TAF1D: variants seen among roughly 807,000 people sequenced by gnomAD.
The protein encoded by TAF1D is TATA box-binding protein-associated factor RNA polymerase I subunit D.
TAF1D carries 23 observed loss-of-function variants against 26.2 expected under a neutral mutation model. That is an observed-to-expected ratio of 0.88 (90% CI 0.63 to 1.25). The LOEUF is 1.25. TAF1D is among the 50% of genes most tolerant of loss of function. TAF1D has a pLI of 0.00. For synonymous variants in TAF1D, 100 were observed against 105.6 expected (o/e 0.95, Z 0.33); for missense variants, 299 against 322.0 (o/e 0.93, Z 0.55).
At chr11:93,740,585 T>C (rs1472740776) in intron 1 of TAF1D, among the ~76,000 whole-genome samples, 1 of 151,942 alleles carries the variant, frequency 6.6e-6, no homozygotes, top group Non-Finnish European at 1.5e-5. Context: ...ATATAAATCC[T>C]AGGATGAACT....
At chr11:93,732,345 G>C (rs753492119), downstream of TAF1D, 3 of 517,976 alleles carry the variant, frequency 5.8e-6, no homozygotes, top group Non-Finnish European at 1.2e-5. Flanking sequence ...TGAACACTCT[G>C]AGAAACCTAC....
Position 93,736,234 on chromosome 11 carries a change from G to T in TAF1D, c.764C>A (p.Thr255Asn), listed in dbSNP as rs755223458. 3 of 1,613,360 alleles carry T rather than the reference G, an allele frequency of 1.9e-6. No individual in the cohort carries two copies. The Admixed American group carries it at 5.0e-5, about 27-fold the overall frequency. Residue 255 changes from threonine to asparagine, a missense_variant, in exon 6 of 6, where the codon ACT (threonine) becomes AAT (asparagine). Transcript: ENST00000448108. ...CTTTTTAGACAAAGCAGCTTCTTCA[G>T]TAATATCCTCTTCTTCTAAGTATAC... is the stretch of plus-strand genomic sequence containing the variant. Reference protein sequence around the residue: ...LSVYLEEEDITEEAALSKKRA... With the variant: ...LSVYLEEEDINEEAALSKKRA...
chr11:93,730,931 A>G (rs777828428), downstream of TAF1D: 4 of 482,766 alleles, frequency 8.3e-6, no homozygotes, highest in Middle Eastern at 3.5e-4. Context: ...AAGAAAAATC[A>G]CATGTGGTTC....
chr11:93,739,064 T>C (rs573953455), intron 2 of TAF1D, 173 bp downstream of exon 2: 6 of 569,304 alleles, frequency 1.1e-5, no homozygotes, highest in Non-Finnish European at 1.8e-5. Flanking sequence ...CATTTTGAAT[T>C]TAAAGTATTT....
At chr11:93,739,411 G>C in intron 1 of TAF1D, 80 bp from the exon 2 acceptor site, 1 of 860,962 alleles carries the variant, frequency 1.2e-6, no homozygotes, top group Admixed American at 2.8e-5. Context: ...AACGTGGTCA[G>C]ACTATGCCAA....
downstream of TAF1D, chr11:93,733,363 C>G (rs567310386): frequency 9.4e-5 from 49 of 518,936 alleles, no homozygotes; most frequent in African/African-American, 8.3e-4. Context: ...AGCGATCACT[C>G]AAGAATGGTA....
chr11:93,736,607 T>C (rs1360567309), intron 5 of TAF1D, 87 bp downstream of exon 5: 3 of 1,537,508 alleles, frequency 2.0e-6, no homozygotes, highest in Non-Finnish European at 1.7e-6. Context: ...TTAAATGAAG[T>C]GTAAGAGAAA....
rs1236497364 is a variant in TAF1D, at chr11:93,738,092, G to A, written c.459+17C>T. On this transcript the variant is annotated intron_variant, in intron 3 of 5. Coordinates refer to ENST00000448108, the MANE Select transcript of TAF1D (RefSeq NM_024116.4). ...TCTTGAGTTATGTGTAGCCATGTAT[G>A]TAAAATGCTGACTCACCTCAAACGT... is the stretch of plus-strand genomic sequence containing the variant. 2 of 1,534,202 alleles carry A rather than the reference G, an allele frequency of 1.3e-6. No individual in the cohort carries two copies. Among genetic ancestry groups the A allele is most frequent in the African/African-American group, 2.8e-5 (2 of 71,790 alleles).
chr11:93,734,649 C>T, downstream of TAF1D: 1 of 1,051,976 alleles, frequency 9.5e-7, no homozygotes, highest in South Asian at 1.3e-5. Flanking sequence ...ACCATGTTCT[C>T]AAGATAAAAG....
At chr11:93,739,370 C>G (rs1941341976) in intron 1 of TAF1D, 39 bp from the exon 2 acceptor site, 1 of 1,426,580 alleles carries the variant, frequency 7.0e-7, no homozygotes, top group South Asian at 1.2e-5. Flanking sequence ...CAAAGCTTCC[C>G]TAAATATTGA....
At chr11:93,739,171 T>C (rs1490334641) in intron 2 of TAF1D, 66 bp downstream of exon 2, 12 of 1,265,904 alleles carry the variant, frequency 9.5e-6, no homozygotes, top group African/African-American at 9.0e-5. Context: ...TTATCTTTAC[T>C]GTCACTCATT....
downstream of TAF1D, chr11:93,735,082 T>C (rs769821996): frequency 4.6e-6 from 6 of 1,315,070 alleles, no homozygotes; most frequent in Non-Finnish European, 3.0e-6. Context: ...CTATCAATAC[T>C]CCCATCAATC....
downstream of TAF1D, chr11:93,731,565 C>G (rs766435561): frequency 3.9e-6 from 2 of 518,852 alleles, no homozygotes; most frequent in Admixed American, 3.9e-5. Flanking sequence ...CGCCCATCAT[C>G]ATAACATCGT....
At chr11:93,731,359 C>A (rs538270810), downstream of TAF1D, 11 of 355,412 alleles carry the variant, frequency 3.1e-5, no homozygotes, top group South Asian at 2.2e-4. Flanking sequence ...CTTAAAATAG[C>A]TATTTAAACT....
chr11:93,738,144 T>A lies in TAF1D; in HGVS notation c.424A>T (p.Lys142Ter). 1 of 1,564,832 alleles carries A rather than the reference T, an allele frequency of 6.4e-7. No homozygotes were observed. Among genetic ancestry groups the A allele is most frequent in the Non-Finnish European group, 8.6e-7 (1 of 1,164,918 alleles). ...AAAATTTTTCTCCAAGGTGCGTTTT[T>A]TTCATTCTCTGATTCTAAAAATGGG... ...GFPFLESENEKNAPWRKILTF... is the reference protein window; with the variant it reads ...GFPFLESENE Residue 142 changes from lysine (K) to a stop codon, truncating the protein, a stop_gained, in exon 3 of 6, where the codon AAA (lysine) becomes TAA (stop). Transcript: ENST00000448108. LOFTEE classifies it high-confidence loss of function.
intron 2 of TAF1D, chr11:93,739,000 A>G (rs746446042): frequency 1.7e-5 from 9 of 527,332 alleles, no homozygotes; most frequent in Non-Finnish European, 2.3e-5. Flanking sequence ...AGAGATGCTA[A>G]TATGACCCAA....
At chr11:93,735,157 C>G (rs1309292992), downstream of TAF1D, 1 of 1,351,700 alleles carries the variant, frequency 7.4e-7, no homozygotes, top group African/African-American at 1.5e-5. Context: ...ACAATGAGTT[C>G]TGGGTTGCAA....
chr11:93,730,226 C>T (rs1938258512), exon 12 of TAF1D: 1 of 1,551,100 alleles, frequency 6.4e-7, no homozygotes, highest in Non-Finnish European at 8.7e-7. Flanking sequence ...TTATTCCTTC[C>T]ACAGAAAACA....
chr11:93,733,125 T>G (rs759916954), downstream of TAF1D: 19 of 442,630 alleles, frequency 4.3e-5, no homozygotes, highest in Non-Finnish European at 8.5e-5. Flanking sequence ...TTCATTCCTA[T>G]AGAAAGTACC....
Sources: allele counts gnomAD v4.1 joint callset (sites outside exome capture counted in the v4.1 genomes callset), GRCh38; gene constraint gnomAD v4.1.1; transcripts MANE v1.5; gene names NCBI Gene and HGNC (gene_info 2026-07-23, HGNC 2026-07-21).